The following TCN1 variants were observed in gnomAD, a reference collection of about 807,000 sequenced individuals.
TCN1 encodes the protein transcobalamin 1.
In TCN1, 47 loss-of-function variants were observed where a neutral mutation model predicts 46.3. The ratio of observed to expected loss-of-function variants is 1.01; its 90% confidence interval spans 0.80 to 1.29. The LOEUF (loss-of-function observed/expected upper bound fraction) is 1.29, where lower values mean the gene tolerates loss of function less well. Ranked by LOEUF, TCN1 falls within the 50% of genes most tolerant of loss-of-function variation. The pLI, the probability that TCN1 is intolerant of heterozygous loss-of-function variation, is 0.00. For missense variants in TCN1, 532 were observed against 511.0 expected, an observed-to-expected ratio of 1.04 and a Z score of -0.40; for synonymous variants, 183 against 192.5, an observed-to-expected ratio of 0.95 and a Z score of 0.41.
chr11:59,855,012 C>G (rs1248094517), intron 6 of TCN1, among the ~76,000 whole-genome samples, 177 bp from the exon 7 acceptor site: 1 of 152,200 alleles, frequency 6.6e-6, no homozygotes, highest in Non-Finnish European at 1.5e-5. Flanking sequence ...AAAGCAGAAA[C>G]TAAGACCCAA....
At chr11:59,864,991 C>T (rs2135111754) in intron 1 of TCN1, among the ~76,000 whole-genome samples, 1 of 152,208 alleles carries the variant, frequency 6.6e-6, no homozygotes, top group East Asian at 1.9e-4. Context: ...TCTTAGTTTT[C>T]TCATTTAAAA....
Position 59,856,057 on chromosome 11 carries a change from G to C in TCN1, c.749C>G (p.Ala250Gly). 1 of 850,708 alleles carries C rather than the reference G, an allele frequency of 1.2e-6. No individual in the cohort carries two copies. Among genetic ancestry groups the C allele is most frequent in the Non-Finnish European group, 1.7e-6 (1 of 578,288 alleles). 52.7% of individuals were successfully genotyped at this position (850,708 alleles called of 1,614,324 possible). The change falls in exon 6 of 9, where the codon GCC (alanine) becomes GGC (glycine). Residue 250 changes from alanine (A) to glycine (G), a missense_variant and splice_region_variant. Coordinates refer to ENST00000257264, the MANE Select transcript of TCN1 (RefSeq NM_001062.4). ...ATAATAGTCTGATGATACAAAGAGGGCCTAATGAGGCAGGGTGGGGTGGGG... is the reference window on the plus strand; with the variant it reads ...ATAATAGTCTGATGATACAAAGAGGCCCTAATGAGGCAGGGTGGGGTGGGG... ...NTFSTGEAMQ[A>G]LFVSSDYYNE...
At chr11:59,853,460 A>G (rs1590864324) in intron 7 of TCN1, 139 bp from the exon 8 acceptor site, 2 of 836,600 alleles carry the variant, frequency 2.4e-6, no homozygotes, top group Non-Finnish European at 4.1e-6. Context: ...CTATCCATAG[A>G]TATTTTTATT....
chr11:59,853,646 A>G (rs187175525), intron 7 of TCN1, among the ~76,000 whole-genome samples: 1 of 152,300 alleles, frequency 6.6e-6, no homozygotes, highest in East Asian at 1.9e-4. Context: ...CCACCCCAAG[A>G]TAGTAACTGC....
chr11:59,857,193 T>C (rs916076934), intron 5 of TCN1, among the ~76,000 whole-genome samples: 3 of 152,136 alleles, frequency 2.0e-5, no homozygotes, highest in African/African-American at 7.2e-5. Context: ...TACCCAACAA[T>C]GTGTTGTAGG....
chr11:59,865,932 C>G (rs1398701641), intron 1 of TCN1, among the ~76,000 whole-genome samples: 1 of 152,134 alleles, frequency 6.6e-6, no homozygotes, highest in African/African-American at 2.4e-5. Context: ...CATGACAAGA[C>G]AGCAGTCATC....
intron 3 of TCN1, among the ~76,000 whole-genome samples, chr11:59,862,157 G>C (rs942502316): frequency 6.6e-6 from 1 of 152,194 alleles, no homozygotes; most frequent in South Asian, 2.1e-4. Context: ...ATTTTTCCCA[G>C]TGATAATGTA....
chr11:59,859,070 G>C lies in TCN1; in HGVS notation c.747+7C>G. 1.2e-6 allele frequency: 2 copies of C among 1,611,024 alleles called. No homozygotes were observed. The highest frequency in any genetic ancestry group is 1.7e-6 in the Non-Finnish European group (2 of 1,179,704). On this transcript the variant is annotated splice_region_variant and intron_variant, in intron 5 of 8. Transcript: ENST00000257264. ...TTCTCTGCCTCCTGTTTCACCCTCT[G>C]ACTTACCTGCATGGCTTCTCCTGTG...
At chr11:59,860,762 G>T (rs571984612) in intron 4 of TCN1, among the ~76,000 whole-genome samples, 1 of 152,314 alleles carries the variant, frequency 6.6e-6, no homozygotes, top group South Asian at 2.1e-4. Context: ...ATAAGGACAC[G>T]TTTTCTGGCT....
At chr11:59,855,656 T>A (rs1321581226) in intron 6 of TCN1, among the ~76,000 whole-genome samples, 2 of 152,186 alleles carry the variant, frequency 1.3e-5, no homozygotes, top group Non-Finnish European at 2.9e-5. Context: ...CTTGTTAATG[T>A]TTGAACTAAG....
chr11:59,865,644 C>T (rs1487093560), intron 1 of TCN1, among the ~76,000 whole-genome samples: 2 of 152,126 alleles, frequency 1.3e-5, no homozygotes, highest in African/African-American at 2.4e-5. Flanking sequence ...GAGAACTGCA[C>T]CAGACTTCAT....
Position 59,859,262 on chromosome 11 carries a change from C to A in TCN1, c.562G>T (p.Gly188Cys), listed in dbSNP as rs755035216. 1 of 1,613,408 alleles carries A rather than the reference C, an allele frequency of 6.2e-7. No individual in the cohort carries two copies. The highest frequency in any genetic ancestry group is 2.2e-5 in the East Asian group (1 of 44,868). Reference sequence around the variant, plus strand: ...GTCAGAGCCAGGACAGCCATTGCACCAGTATCTGTCAGGAAACAAAACATT... The same window carrying A: ...GTCAGAGCCAGGACAGCCATTGCACAAGTATCTGTCAGGAAACAAAACATT... The part of the protein sequence containing the change: ...YFGSQFSVDT[G>C]AMAVLALTCV... The change falls in exon 5 of 9, where the codon GGT (glycine) becomes TGT (cysteine). Residue 188 changes from glycine to cysteine, a missense_variant. By Grantham distance (159) the Gly-to-Cys change is radical. Transcript: ENST00000257264.
intron 4 of TCN1, among the ~76,000 whole-genome samples, chr11:59,859,657 T>G (rs1367444508): frequency 1.3e-5 from 2 of 152,218 alleles, no homozygotes; most frequent in Non-Finnish European, 2.9e-5. Flanking sequence ...ATTGTATATT[T>G]TGGTACTTAT....
intron 5 of TCN1, among the ~76,000 whole-genome samples, chr11:59,857,940 C>T (rs975910662): frequency 3.9e-5 from 6 of 152,088 alleles, no homozygotes; most frequent in African/African-American, 1.2e-4. Flanking sequence ...CTCTTATCAG[C>T]GGGGGATACA....
chr11:59,863,645 G>A (rs1188352503), intron 2 of TCN1, among the ~76,000 whole-genome samples: 3 of 152,086 alleles, frequency 2.0e-5, no homozygotes, highest in East Asian at 1.9e-4. Context: ...TTATATAACA[G>A]CATTAATGGA....
chr11:59,853,302 A>G lies in TCN1; in HGVS notation c.1141T>C (p.Ser381Pro). ...TIFGFTMEER[S>P]WGPYITCIQG... The stretch of plus-strand genomic sequence containing the variant: ...ATACAGGTGATATAGGGCCCCCATG[A>G]GCGCTCCTCCATTGTGAAACTGTGG... Residue 381 changes from serine to proline, a missense_variant, in exon 8 of 9, where the codon TCA becomes CCA. Transcript: ENST00000257264. 1 of 1,614,064 alleles carries G rather than the reference A, an allele frequency of 6.2e-7. No individual in the cohort carries two copies. Among genetic ancestry groups the G allele is most frequent in the East Asian group, 2.2e-5 (1 of 44,872 alleles).
chr11:59,855,253 A>G (rs1372042276), intron 6 of TCN1, among the ~76,000 whole-genome samples: 1 of 152,214 alleles, frequency 6.6e-6, no homozygotes, highest in Non-Finnish European at 1.5e-5. Flanking sequence ...GTCTCATTCA[A>G]TCTTTACAAA....
At chr11:59,865,240 G>A (rs1176258469) in intron 1 of TCN1, among the ~76,000 whole-genome samples, 1 of 152,118 alleles carries the variant, frequency 6.6e-6, no homozygotes. Flanking sequence ...TGGAACAATT[G>A]TGAGTCAGTT....
intron 5 of TCN1, among the ~76,000 whole-genome samples, chr11:59,857,488 A>T (rs992046452): frequency 6.6e-6 from 1 of 152,180 alleles, no homozygotes; most frequent in Non-Finnish European, 1.5e-5. Flanking sequence ...GCCTCCTGTT[A>T]TGTTTCCCAA....
Sources: allele counts gnomAD v4.1 joint callset (sites outside exome capture counted in the v4.1 genomes callset), GRCh38; gene constraint gnomAD v4.1.1; transcripts MANE v1.5; gene names NCBI Gene and HGNC (gene_info 2026-07-23, HGNC 2026-07-21).